The following CSNK1G3 variants were observed in gnomAD, a reference collection of about 807,000 sequenced individuals.
CSNK1G3 encodes the protein casein kinase 1 gamma 3, also known as casein kinase I isoform gamma-3.
A neutral mutation model predicts 64.3 loss-of-function variants in CSNK1G3; 23 were observed. The observed-to-expected ratio is 0.36, with a 90% confidence interval of 0.26 to 0.51. The LOEUF is 0.51. Among genes scored for constraint, CSNK1G3 ranks in the 20% least tolerant of loss-of-function variants. The probability of loss-of-function intolerance (pLI) is 0.96; values close to 1 mark genes in which losing one functional copy is unlikely to be tolerated. For missense variants in CSNK1G3, 357 were observed against 510.5 expected (o/e 0.70, Z 2.90); for synonymous variants, 158 against 162.2 (o/e 0.97, Z 0.20).
At chr5:123,588,795 C>G (rs989422069) in intron 8 of CSNK1G3, among the ~76,000 whole-genome samples, 2 of 151,960 alleles carry the variant, frequency 1.3e-5, no homozygotes, top group East Asian at 3.9e-4. Flanking sequence ...AAAATTTTTG[C>G]TAAGAAATGC....
chr5:123,578,152 T>C (rs1228377511), intron 6 of CSNK1G3, among the ~76,000 whole-genome samples: 3 of 152,012 alleles, frequency 2.0e-5, no homozygotes, highest in Non-Finnish European at 4.4e-5. Context: ...ATAAAACTTG[T>C]ATAATATTCT....
chr5:123,567,108 G>A (rs1787059842), intron 4 of CSNK1G3, among the ~76,000 whole-genome samples: 2 of 152,130 alleles, frequency 1.3e-5, no homozygotes, highest in South Asian at 2.1e-4. Flanking sequence ...GCTTGTGCAG[G>A]CAAACTCCCA....
At chr5:123,513,136 G>C (rs1776545395) in intron 1 of CSNK1G3, among the ~76,000 whole-genome samples, 1 of 152,136 alleles carries the variant, frequency 6.6e-6, no homozygotes, top group Admixed American at 6.5e-5. Context: ...GTTTCTTAGA[G>C]CTTTGACTCA....
chr5:123,526,875 T>G (rs921333580), intron 1 of CSNK1G3, among the ~76,000 whole-genome samples: 1 of 117,184 alleles, frequency 8.5e-6, no homozygotes, highest in African/African-American at 3.2e-5. Context: ...TGTGTGTGTG[T>G]GTGTGTATGA....
intron 6 of CSNK1G3, among the ~76,000 whole-genome samples, chr5:123,581,873 T>G (rs1790370483): frequency 6.6e-6 from 1 of 151,954 alleles, no homozygotes; most frequent in South Asian, 2.1e-4. Context: ...ATTTTTATCT[T>G]TTTTTTACTT....
At chr5:123,519,219 A>G (rs2149941068) in intron 1 of CSNK1G3, among the ~76,000 whole-genome samples, 1 of 151,004 alleles carries the variant, frequency 6.6e-6, no homozygotes, top group East Asian at 1.9e-4. Context: ...TTTCCTGGCT[A>G]ATTGTTGTAT....
At chr5:123,603,874 A>G (rs542767430) in intron 10 of CSNK1G3, among the ~76,000 whole-genome samples, 3 of 152,234 alleles carry the variant, frequency 2.0e-5, no homozygotes, top group East Asian at 1.9e-4. Context: ...GACTTTGTCA[A>G]TTTGTGTAAG....
intron 3 of CSNK1G3, among the ~76,000 whole-genome samples, chr5:123,554,992 C>G (rs778462520): frequency 6.6e-6 from 1 of 152,128 alleles, no homozygotes; most frequent in African/African-American, 2.4e-5. Context: ...CCTTACTAAA[C>G]GTTTATTATG....
intron 4 of CSNK1G3, among the ~76,000 whole-genome samples, chr5:123,573,107 C>G (rs1425282279): frequency 1.3e-5 from 2 of 152,070 alleles, no homozygotes; most frequent in Non-Finnish European, 2.9e-5. Flanking sequence ...GCTAAAAAGC[C>G]CAGCTTTTGT....
At chr5:123,547,623 C>G (rs914620265) in intron 2 of CSNK1G3, among the ~76,000 whole-genome samples, 2 of 152,088 alleles carry the variant, frequency 1.3e-5, no homozygotes, top group Non-Finnish European at 2.9e-5. Flanking sequence ...ATAGGAGTAT[C>G]GTGGCTTCTT....
At chr5:123,583,496 G>C (rs1184981686) in intron 6 of CSNK1G3, among the ~76,000 whole-genome samples, 1 of 152,166 alleles carries the variant, frequency 6.6e-6, no homozygotes, top group Non-Finnish European at 1.5e-5. Flanking sequence ...GAGTAGCTGA[G>C]ATTACAGGCA....
intron 10 of CSNK1G3, among the ~76,000 whole-genome samples, chr5:123,592,960 A>G (rs946117460): frequency 7.2e-5 from 11 of 151,938 alleles, no homozygotes; most frequent in African/African-American, 2.4e-4. Flanking sequence ...AATTCCTTGA[A>G]TGTACTTGGA....
chr5:123,576,082 T>TAATA, intron 6 of CSNK1G3, 119 bp downstream of exon 6: 1 of 602,916 alleles, frequency 1.7e-6, no homozygotes, highest in East Asian at 2.8e-5. Flanking sequence ...ATAATTTTCA[T>TAATA]TTATCACATC....
In CSNK1G3 at chr5:123,547,232, C is replaced by G. The variant is rs572274025; in HGVS notation, c.178+1391C>G. Among the ~76,000 whole-genome samples, 7 of 152,134 alleles carry G rather than the reference C, an allele frequency of 4.6e-5. No individual in the cohort carries two copies. In the East Asian group the frequency reaches 1.2e-3, roughly 25 times the overall value. On this transcript the variant is annotated intron_variant, in intron 2 of 12. Transcript: ENST00000345990. ...CAGGGCTTCACGTTTTTCTTTATATCAGGATTATTACCACTTCCTAGGTTA... is the reference window on the plus strand; with the variant it reads ...CAGGGCTTCACGTTTTTCTTTATATGAGGATTATTACCACTTCCTAGGTTA...
intron 2 of CSNK1G3, among the ~76,000 whole-genome samples, chr5:123,551,371 G>A (rs779215803): frequency 3.3e-5 from 5 of 151,658 alleles, no homozygotes; most frequent in South Asian, 2.1e-4. Context: ...GAAATATTCC[G>A]TAATTTTTAA....
At chr5:123,522,647 G>T (rs746086147) in intron 1 of CSNK1G3, among the ~76,000 whole-genome samples, 1 of 152,024 alleles carries the variant, frequency 6.6e-6, no homozygotes, top group African/African-American at 2.4e-5. Flanking sequence ...CAATGTAAGT[G>T]CTGTGTAAAT....
intron 12 of CSNK1G3, among the ~76,000 whole-genome samples, chr5:123,609,039 C>T (rs1295262965): frequency 6.6e-6 from 1 of 152,018 alleles, no homozygotes; most frequent in Non-Finnish European, 1.5e-5. Context: ...TAGAAGGAGT[C>T]AGAGAGAAGA....
chr5:123,575,213 T>C (rs1357931120), intron 5 of CSNK1G3, among the ~76,000 whole-genome samples: 1 of 152,184 alleles, frequency 6.6e-6, no homozygotes, highest in African/African-American at 2.4e-5. Flanking sequence ...TTTTAAATGT[T>C]TAATACCTAG....
intron 12 of CSNK1G3, among the ~76,000 whole-genome samples, chr5:123,605,802 A>G (rs1308457634): frequency 6.6e-6 from 1 of 152,116 alleles, no homozygotes; most frequent in East Asian, 1.9e-4. Context: ...ACCAATTATC[A>G]TTGCCCTTGA....
Sources: gnomAD v4.1 joint callset for allele counts (sites outside exome capture counted in the v4.1 genomes callset) on GRCh38, gnomAD v4.1.1 for gene constraint, MANE v1.5 for transcripts, NCBI Gene and HGNC (gene_info 2026-07-23, HGNC 2026-07-21) for gene names.